The following EBF3 variants were observed in gnomAD, a reference collection of about 807,000 sequenced individuals.
EBF3 encodes EBF transcription factor 3, also known as transcription factor COE3.
EBF3 carries 18 observed loss-of-function variants against 77.1 expected under a neutral mutation model. The ratio of observed to expected loss-of-function variants is 0.23; its 90% CI spans 0.16 to 0.35. The LOEUF is 0.35. Ranked by LOEUF, EBF3 falls within the 10% of genes least tolerant of loss-of-function variation. EBF3 has a pLI of 1.00. For synonymous variants in EBF3, 350 were observed against 343.5 expected, an observed-to-expected ratio of 1.02 and a Z score of -0.21; for missense variants, 558 against 860.0, an observed-to-expected ratio of 0.65 and a Z score of 4.39.
chr10:129,889,644 T>G (rs925788347), intron 6 of EBF3, among the ~76,000 whole-genome samples: 2 of 152,144 alleles, frequency 1.3e-5, no homozygotes, highest in African/African-American at 4.8e-5. Flanking sequence ...AGGGGAATCT[T>G]CCGTTCACTT....
intron 6 of EBF3, among the ~76,000 whole-genome samples, chr10:129,888,171 G>A (rs895794231): frequency 6.6e-6 from 1 of 152,224 alleles, no homozygotes; most frequent in Non-Finnish European, 1.5e-5. Context: ...CGCCCTCCGC[G>A]TGATTTTCCA....
intron 6 of EBF3, among the ~76,000 whole-genome samples, chr10:129,940,864 T>C (rs1389352177): frequency 3.9e-5 from 6 of 152,028 alleles, no homozygotes. Context: ...GCCATAAACA[T>C]CCCACACTCG....
chr10:129,872,595 C>T (rs1852478722), intron 8 of EBF3, among the ~76,000 whole-genome samples: 1 of 152,166 alleles, frequency 6.6e-6, no homozygotes, highest in African/African-American at 2.4e-5. Flanking sequence ...AGGCTCTTTG[C>T]TCTAAAGGAT....
At position 129,935,912 on chromosome 10, in the gene EBF3, C is replaced by G. The variant is rs944539194; in HGVS notation, c.554+21346G>C. On this transcript the variant is annotated intron_variant, in intron 6 of 16. Coordinates refer to ENST00000440978, the MANE Select transcript of EBF3 (RefSeq NM_001375380.1). The surrounding 1 kb of genome is among the most constrained non-coding windows in gnomAD (Gnocchi z 4.2). ...AAAGGAATGGCCGGGGAAGGCAGAG[C>G]CCAAGCAGCCCTGGAGCACCAGGGC... Among the ~76,000 whole-genome samples, 1 of 152,034 alleles carries G rather than the reference C, an allele frequency of 6.6e-6. No individual in the cohort carries two copies. The highest frequency in any genetic ancestry group is 1.5e-5 in the Non-Finnish European group (1 of 68,012).
chr10:129,845,184 C>T (rs961352238), intron 11 of EBF3: 8 of 152,200 alleles, frequency 5.3e-5, no homozygotes, highest in South Asian at 2.1e-4. Flanking sequence ...AGACACAAAA[C>T]GGGTAACCCA....
intron 6 of EBF3, among the ~76,000 whole-genome samples, chr10:129,918,940 T>C (rs1479594263): frequency 1.3e-5 from 2 of 152,220 alleles, no homozygotes; most frequent in Non-Finnish European, 2.9e-5. Context: ...ACACTTGAGC[T>C]GTGCTCTGGA....
At chr10:129,907,829 C>T (rs1425250439) in intron 6 of EBF3, among the ~76,000 whole-genome samples, 3 of 152,156 alleles carry the variant, frequency 2.0e-5, no homozygotes, top group Admixed American at 6.5e-5. Flanking sequence ...AAAGTGCACT[C>T]TCCTGGTTGA....
chr10:129,905,548 G>A (rs1264003598), intron 6 of EBF3, among the ~76,000 whole-genome samples: 1 of 152,110 alleles, frequency 6.6e-6, no homozygotes, highest in Non-Finnish European at 1.5e-5. Flanking sequence ...CACTGGTCTA[G>A]GGAGCAGGCT....
chr10:129,902,693 G>GT (rs1203106931), intron 6 of EBF3, among the ~76,000 whole-genome samples: 1 of 152,190 alleles, frequency 6.6e-6, no homozygotes, highest in East Asian at 1.9e-4. Flanking sequence ...CAGCATCTTT[G>GT]TGAGACTCTT....
chr10:129,842,154 G>A lies in EBF3; in HGVS notation c.1334C>T (p.Ala445Val). ...TTGTGACGTCTCTGACACGTTGACGGCTAGCTGGCTGCTGAAGGAGTTGAC... is the reference window on the plus strand; with the variant it reads ...TTGTGACGTCTCTGACACGTTGACGACTAGCTGGCTGCTGAAGGAGTTGAC... ...MGVNSFSSQL[A>V]VNVSETSQAN... is the part of the protein sequence containing the mutation. The change falls in exon 13 of 17, where the codon GCC becomes GTC. Residue 445 changes from alanine (A) to valine (V), a missense_variant. Transcript: ENST00000440978. This position sits in a 1 kb window ranked among gnomAD's most constrained non-coding sequence, Gnocchi z 4.4. 6.2e-7 allele frequency: 1 copy of A among 1,614,246 alleles called. No individual in the cohort carries two copies. The highest frequency in any genetic ancestry group is 2.2e-5 in the East Asian group (1 of 44,874).
chr10:129,907,784 AT>A (rs1855250850), intron 6 of EBF3, among the ~76,000 whole-genome samples: 1 of 152,236 alleles, frequency 6.6e-6, no homozygotes, highest in South Asian at 2.1e-4. Context: ...TTCCTTTGCA[AT>A]AACACTCTCA....
At chr10:129,917,063 G>A (rs1855928266) in intron 6 of EBF3, among the ~76,000 whole-genome samples, 1 of 152,222 alleles carries the variant, frequency 6.6e-6, no homozygotes, top group Non-Finnish European at 1.5e-5. Context: ...CCGGTTACTT[G>A]TCATGTATTA....
At chr10:129,941,282 G>A (rs7096106) in intron 6 of EBF3, among the ~76,000 whole-genome samples, 33,252 of 152,204 alleles carry the variant, frequency 0.22, 3,869 homozygotes, top group East Asian at 0.45. Flanking sequence ...AGGGGTGTCA[G>A]ATGAGCCGGG....
chr10:129,843,225 G>A (rs1338147162), intron 11 of EBF3, 23 bp from the exon 12 acceptor site: 3 of 1,600,854 alleles, frequency 1.9e-6, no homozygotes, highest in East Asian at 4.5e-5. Flanking sequence ...CAGACAGGAG[G>A]TGATTCATGG....
rs141717894 is a variant in EBF3 at position 129,843,405 on chromosome 10, G to A, written c.1129-203C>T. Reference sequence around the variant, plus strand: ...CACTGTTTGTGGCCTTTACAAGGAGGCTGAATAAAAGCGTTTTCTGTGGCT... The same window carrying A: ...CACTGTTTGTGGCCTTTACAAGGAGACTGAATAAAAGCGTTTTCTGTGGCT... On this transcript the variant is annotated intron_variant, in intron 11 of 16. Transcript: ENST00000440978. The A allele has an allele frequency of 5.3e-5, 28 of 529,506 alleles. No homozygotes were observed. The East Asian group carries it at 7.6e-4, about 14-fold the overall frequency. The allele number at this position is 529,506 out of a possible 1,614,324, so 32.8% of individuals were successfully genotyped here.
Position 129,963,815 on chromosome 10 carries a change from C to A in EBF3, c.-47G>T, listed in dbSNP as rs199698816. On this transcript the variant is annotated 5_prime_UTR_variant, in exon 1 of 17. Coordinates refer to ENST00000440978, the MANE Select transcript of EBF3 (RefSeq NM_001375380.1). The surrounding 1 kb of genome is among the most constrained non-coding windows in gnomAD (Gnocchi z 7.1). ...CAGCTCCCGGCCGAAAGCGTTTCCT[C>A]GAGCAGCGGCGCTCGGGGCTTGGCG... is the stretch of plus-strand genomic sequence containing the variant. 6.0e-4 allele frequency: 890 copies of A among 1,477,008 alleles called. 5 individuals are homozygous for A. The African/African-American group carries it at 0.011, about 18-fold the overall frequency. The allele number at this position is 1,477,008 out of a possible 1,614,324, so 91.5% of individuals were successfully genotyped here. A position where few individuals can be genotyped will look rare whatever the true frequency, so the allele number is the denominator to read the frequency against.
In EBF3 at chr10:129,841,439, T is replaced by G. The variant is rs1850045897; in HGVS notation, c.1373-407A>C. ...GCCGTAACTTCCCCTGAAAGGCTGT[T>G]TGGGGGTCTTCATTTGTATGGTTGT... is the stretch of plus-strand genomic sequence containing the variant. On this transcript the variant is annotated intron_variant, in intron 13 of 16. Coordinates refer to ENST00000440978, the MANE Select transcript of EBF3 (RefSeq NM_001375380.1). This position sits in a 1 kb window ranked among gnomAD's most constrained non-coding sequence, Gnocchi z 4.6. 1.3e-5 allele frequency among the ~76,000 whole-genome samples: 2 copies of G among 152,106 alleles called. No homozygotes were observed. The highest frequency in any genetic ancestry group is 4.1e-4 in the South Asian group (2 of 4,820).
chr10:129,886,152 A>G (rs750983593), intron 6 of EBF3, among the ~76,000 whole-genome samples: 1 of 151,016 alleles, frequency 6.6e-6, no homozygotes, highest in Non-Finnish European at 1.5e-5. Flanking sequence ...TTAATTAAGA[A>G]CTATCATCTT....
intron 16 of EBF3, 83 bp from the exon 17 acceptor site, chr10:129,838,043 T>C: frequency 1.3e-6 from 2 of 1,537,772 alleles, no homozygotes; most frequent in Middle Eastern, 1.7e-4. Flanking sequence ...GGGCTGCCCT[T>C]CCCCCCTATT....
Sources: gnomAD v4.1 joint callset for allele counts (sites outside exome capture counted in the v4.1 genomes callset) on GRCh38, gnomAD v4.1.1 for gene constraint, Gnocchi (gnomAD v3.1) non-coding constraint, MANE v1.5 for transcripts, NCBI Gene and HGNC (gene_info 2026-07-23, HGNC 2026-07-21) for gene names.